Variants in FHIP1A observed in about 807,000 individuals in gnomAD.
FHIP1A encodes the protein FHF complex subunit HOOK interacting protein 1A, also known as FHF complex subunit HOOK-interacting protein 1A.
In FHIP1A, 61 loss-of-function variants were observed where a neutral mutation model predicts 88.6. That is an observed-to-expected ratio of 0.69 (90% confidence interval 0.56 to 0.85). The LOEUF is 0.85. FHIP1A is among the 40% of genes least tolerant of loss of function. FHIP1A has a pLI of 0.00. For synonymous variants in FHIP1A, 478 were observed against 496.0 expected (o/e 0.96, Z 0.48); for missense variants, 1,154 against 1,273.5 (o/e 0.91, Z 1.43).
At chr4:151,453,922 G>A (rs1278986579) in intron 1 of FHIP1A, among the ~76,000 whole-genome samples, 2 of 151,858 alleles carry the variant, frequency 1.3e-5, no homozygotes, top group Admixed American at 6.6e-5. Context: ...CAAAAACCAC[G>A]ATTTATAATT....
At chr4:151,477,065 A>G (rs1041129908) in intron 2 of FHIP1A, among the ~76,000 whole-genome samples, 2 of 152,302 alleles carry the variant, frequency 1.3e-5, no homozygotes, top group African/African-American at 4.8e-5. Context: ...CTGTATTTTT[A>G]TGTAATTCCA....
intron 3 of FHIP1A, among the ~76,000 whole-genome samples, chr4:151,524,504 T>G (rs1401120100): frequency 6.6e-6 from 1 of 152,108 alleles, no homozygotes; most frequent in Non-Finnish European, 1.5e-5. Flanking sequence ...GACTCCAAGA[T>G]TCCTCTTCTT....
intron 9 of FHIP1A, among the ~76,000 whole-genome samples, chr4:151,641,354 G>C (rs1330362205): frequency 1.3e-5 from 2 of 152,142 alleles, no homozygotes; most frequent in Non-Finnish European, 2.9e-5. Context: ...TTTGGTTTTG[G>C]AGTATGCCAC....
intron 1 of FHIP1A, among the ~76,000 whole-genome samples, chr4:151,440,346 C>G (rs955063177): frequency 6.6e-6 from 1 of 152,126 alleles, no homozygotes; most frequent in African/African-American, 2.4e-5. Flanking sequence ...GGGTCTTTGT[C>G]TTTTTTGTTC....
chr4:151,512,228 C>T (rs1731063939), intron 3 of FHIP1A, among the ~76,000 whole-genome samples: 1 of 152,172 alleles, frequency 6.6e-6, no homozygotes. Flanking sequence ...GCTGAGGGTC[C>T]TGTCTGTTAG....
chr4:151,443,683 C>CTGTG (rs1491201547), intron 1 of FHIP1A, among the ~76,000 whole-genome samples: 1 of 51,922 alleles, frequency 1.9e-5, no homozygotes, highest in East Asian at 4.7e-4. Context: ...AAATGAAGCA[C>CTGTG]TCTGTGTGTG....
At chr4:151,655,296 T>A (rs1369849762) in intron 11 of FHIP1A, among the ~76,000 whole-genome samples, 2 of 152,220 alleles carry the variant, frequency 1.3e-5, no homozygotes, top group African/African-American at 4.8e-5. Context: ...ATTTAAAGTA[T>A]CTTCAAGTAA....
chr4:151,508,489 CCAGGG>C (rs1212123894), intron 3 of FHIP1A, among the ~76,000 whole-genome samples: 2 of 152,076 alleles, frequency 1.3e-5, no homozygotes, highest in Non-Finnish European at 2.9e-5. Context: ...TGTAGGTGGT[CCAGGG>C]CTGAAGCTAT....
At chr4:151,426,351 T>C (rs560408856) in intron 1 of FHIP1A, among the ~76,000 whole-genome samples, 1 of 152,300 alleles carries the variant, frequency 6.6e-6, no homozygotes, top group Non-Finnish European at 1.5e-5. Flanking sequence ...ACGCTTAATT[T>C]TTTTTTCTGT....
intron 3 of FHIP1A, among the ~76,000 whole-genome samples, chr4:151,497,220 AT>A (rs1427490364): frequency 6.6e-6 from 1 of 152,210 alleles, no homozygotes; most frequent in Non-Finnish European, 1.5e-5. Flanking sequence ...AGAAAATAAT[AT>A]TGATAGAAAG....
At chr4:151,501,863 A>G (rs890985629) in intron 3 of FHIP1A, among the ~76,000 whole-genome samples, 1 of 151,438 alleles carries the variant, frequency 6.6e-6, no homozygotes, top group African/African-American at 2.4e-5. Flanking sequence ...CTGGTTCTCA[A>G]CAAAAACTAC....
At chr4:151,509,749 GTCTC>G (rs1400726693) in intron 3 of FHIP1A, among the ~76,000 whole-genome samples, 1 of 139,472 alleles carries the variant, frequency 7.2e-6, no homozygotes, top group African/African-American at 2.7e-5. Context: ...TAAAAATACT[GTCTC>G]TATGTTTGTG....
intron 3 of FHIP1A, among the ~76,000 whole-genome samples, chr4:151,483,577 A>G (rs1294628687): frequency 6.6e-6 from 1 of 152,150 alleles, no homozygotes; most frequent in East Asian, 1.9e-4. Context: ...ACAGCTATTT[A>G]TGATTGTGTG....
At chr4:151,440,298 A>T (rs1728355747) in intron 1 of FHIP1A, among the ~76,000 whole-genome samples, 1 of 152,168 alleles carries the variant, frequency 6.6e-6, no homozygotes, top group East Asian at 1.9e-4. Flanking sequence ...TTGGGTGAGG[A>T]CACAGCCAAA....
intron 5 of FHIP1A, among the ~76,000 whole-genome samples, chr4:151,581,031 G>C (rs189003625): frequency 4.5e-4 from 69 of 152,160 alleles, no homozygotes; most frequent in African/African-American, 1.6e-3. Flanking sequence ...GTAATTTTTT[G>C]TATTTTTAGT....
chr4:151,507,064 C>T (rs1730860061), intron 3 of FHIP1A, among the ~76,000 whole-genome samples: 1 of 152,156 alleles, frequency 6.6e-6, no homozygotes. Flanking sequence ...CAGAATGGCA[C>T]TGCTTCATTA....
chr4:151,546,899 G>A (rs1732527106), intron 3 of FHIP1A, among the ~76,000 whole-genome samples: 1 of 152,168 alleles, frequency 6.6e-6, no homozygotes, highest in Non-Finnish European at 1.5e-5. Context: ...TCAAGAGGTA[G>A]GGGGAGATTG....
At chr4:151,606,803 AAACCAGTGACTTAGATTGTAT>A (rs1445061994) in intron 7 of FHIP1A, among the ~76,000 whole-genome samples, 2 of 152,150 alleles carry the variant, frequency 1.3e-5, no homozygotes, top group African/African-American at 4.8e-5. Flanking sequence ...TGCTTGGAGT[AAACCAGTGACTTAGATTGTAT>A]TCTCCACTGC....
chr4:151,584,902 G>A (rs963040218), intron 5 of FHIP1A, among the ~76,000 whole-genome samples: 1 of 152,070 alleles, frequency 6.6e-6, no homozygotes, highest in African/African-American at 2.4e-5. Context: ...CACCAGCTTA[G>A]ATATCACTTC....
Sources: gnomAD v4.1 joint callset for allele counts (sites outside exome capture counted in the v4.1 genomes callset) on GRCh38, gnomAD v4.1.1 for gene constraint, MANE v1.5 for transcripts, NCBI Gene and HGNC (gene_info 2026-07-23, HGNC 2026-07-21) for gene names.